The following ARID4B variants were observed in gnomAD, a reference collection of about 807,000 sequenced individuals.
ARID4B encodes the protein AT-rich interactive domain-containing protein 4B.
A neutral mutation model predicts 147.5 loss-of-function variants in ARID4B; 26 were observed. The ratio of observed to expected loss-of-function variants is 0.18; its 90% CI spans 0.13 to 0.24. The LOEUF is 0.24. ARID4B is among the 10% of genes least tolerant of loss of function. ARID4B has a pLI of 1.00. For missense variants in ARID4B, 1,179 were observed against 1,511.5 expected (o/e 0.78, Z 3.65); for synonymous variants, 512 against 507.9 (o/e 1.01, Z -0.11).
chr1:235,308,623 C>T (rs1020521568), intron 2 of ARID4B, among the ~76,000 whole-genome samples: 5 of 152,124 alleles, frequency 3.3e-5, no homozygotes, highest in South Asian at 4.1e-4. Flanking sequence ...TGCAGGTGCG[C>T]GCTGCCACGC....
At chr1:235,212,912 T>TAC (rs1404091513) in intron 17 of ARID4B, among the ~76,000 whole-genome samples, 1 of 152,166 alleles carries the variant, frequency 6.6e-6, no homozygotes, top group Middle Eastern at 3.2e-3. Flanking sequence ...AGACACTAGG[T>TAC]ACACCATGAA....
rs1335202043 is a variant in ARID4B at position 235,258,096 on chromosome 1, C to A, written c.118-871G>T. On this transcript the variant is annotated intron_variant, in intron 3 of 23. Coordinates refer to ENST00000264183, the MANE Select transcript of ARID4B (RefSeq NM_016374.6). ...CCTGTAATCCCAGCACTTTGGAAGG[C>A]CGAAGCAGGTGGATCACCTGAGATC... Among the ~76,000 whole-genome samples, 3 of 152,052 alleles carry A rather than the reference C, an allele frequency of 2.0e-5. No individual in the cohort carries two copies. The East Asian group carries it at 5.8e-4, about 29-fold the overall frequency.
At chr1:235,209,288 T>G (rs1231340448) in intron 17 of ARID4B, among the ~76,000 whole-genome samples, 1 of 152,130 alleles carries the variant, frequency 6.6e-6, no homozygotes, top group Non-Finnish European at 1.5e-5. Context: ...CTGGTCAACA[T>G]GGTGAAACCC....
chr1:235,327,177 C>A (rs894920298), intron 1 of ARID4B: 2 of 481,420 alleles, frequency 4.2e-6, no homozygotes. Context: ...GGCAGCTTCC[C>A]GTCCCCATTG....
chr1:235,268,407 T>C (rs1670756473), intron 2 of ARID4B, among the ~76,000 whole-genome samples: 1 of 151,896 alleles, frequency 6.6e-6, no homozygotes, highest in Admixed American at 6.6e-5. Context: ...AAACAAGTAC[T>C]TCTAGGTGTG....
intron 6 of ARID4B, among the ~76,000 whole-genome samples, chr1:235,249,212 A>G (rs1267949674): frequency 6.6e-6 from 1 of 152,084 alleles, no homozygotes; most frequent in African/African-American, 2.4e-5. Context: ...GCACGCCTGT[A>G]GTCCCAGATA....
In ARID4B at chr1:235,198,826, G is replaced by A. The variant is rs762203829; in HGVS notation, c.1842-2711C>T. Among the ~76,000 whole-genome samples the A allele has an allele frequency of 7.3e-4, 111 of 152,326 alleles. 1 individual carries two copies. The highest frequency in any genetic ancestry group is 5.3e-4 in the Non-Finnish European group (36 of 68,034). ...TTTTAAAATTCTCATGGGGCCGGGC[G>A]CAGTGGCTAACGCCTGTAATCCCAG... On this transcript the variant is annotated intron_variant, in intron 17 of 23. Transcript: ENST00000264183.
In ARID4B at chr1:235,176,437, C is replaced by CAAAAAAAAAAAAAAAAAA. The variant is rs34808765; in HGVS notation, c.3449-1056_3449-1039dup. Reference sequence around the variant, plus strand: ...CTGATTTTTCACTTAACAACATCACCAAAAAAAAAAAAAAAAAAAAAAAAA... The same window carrying CAAAAAAAAAAAAAAAAAA: ...CTGATTTTTCACTTAACAACATCACCAAAAAAAAAAAAAAAAAAAAAAAAAAAAAAAAAAAAAAAAAAA... On this transcript the variant is annotated intron_variant, in intron 21 of 23. Transcript: ENST00000264183. Among the ~76,000 whole-genome samples the CAAAAAAAAAAAAAAAAAA allele has an allele frequency of 6.2e-4, 14 of 22,534 alleles. 3 individuals carry two copies. The highest frequency in any genetic ancestry group is 1.4e-3 in the African/African-American group (14 of 10,074). The allele number at this position is 22,534 out of a possible 152,430, so 14.8% of individuals were successfully genotyped here.
intron 2 of ARID4B, among the ~76,000 whole-genome samples, chr1:235,320,470 T>C (rs1408116145): frequency 6.6e-6 from 1 of 152,196 alleles, no homozygotes; most frequent in Non-Finnish European, 1.5e-5. Context: ...CAGGACTAGC[T>C]TGACAGCCTT....
At chr1:235,244,472 T>C (rs889139870) in intron 7 of ARID4B, among the ~76,000 whole-genome samples, 3 of 152,050 alleles carry the variant, frequency 2.0e-5, no homozygotes, top group African/African-American at 7.2e-5. Context: ...AAAGAATCAA[T>C]AACTTGCTTT....
At chr1:235,316,165 A>G (rs749443863) in intron 2 of ARID4B, among the ~76,000 whole-genome samples, 6 of 152,314 alleles carry the variant, frequency 3.9e-5, no homozygotes, top group Non-Finnish European at 7.3e-5. Context: ...AATTCTTCTT[A>G]GGAATTCAAC....
Position 235,167,317 on chromosome 1 carries a change from AAC to A in ARID4B, c.*1206_*1207del, listed in dbSNP as rs1337650594. The A allele has an allele frequency of 4.5e-6, 1 of 220,098 alleles. No individual in the cohort carries two copies. The highest frequency in any genetic ancestry group is 9.1e-6 in the Non-Finnish European group (1 of 109,622). The allele number at this position is 220,098 out of a possible 1,614,324, so 13.6% of individuals were successfully genotyped here. The stretch of plus-strand genomic sequence containing the variant: ...TCTGTACAATAAAGTACTGTGTATT[AAC>A]AGTGCCAGATATTAAATAGCTTGAA... On this transcript the variant is annotated 3_prime_UTR_variant, in exon 24 of 24. Coordinates refer to ENST00000264183, the MANE Select transcript of ARID4B (RefSeq NM_016374.6).
chr1:235,312,156 C>T (rs947926250), intron 2 of ARID4B, among the ~76,000 whole-genome samples: 4 of 151,892 alleles, frequency 2.6e-5, no homozygotes, highest in Non-Finnish European at 5.9e-5. Flanking sequence ...CGTGGTGGCG[C>T]GCACCTGTAG....
Position 235,315,813 on chromosome 1 carries a change from C to T in ARID4B, c.6+11101G>A, listed in dbSNP as rs981768236. On this transcript the variant is annotated intron_variant, in intron 2 of 23. Transcript: ENST00000264183. ...GATACTATTCTTGCCTTAGATAACC[C>T]GATTAGAGTAAATAATTGAATATGC... Among the ~76,000 whole-genome samples the T allele has an allele frequency of 3.3e-5, 5 of 152,048 alleles. 1 individual carries two copies. The highest frequency in any genetic ancestry group is 1.2e-4 in the African/African-American group (5 of 41,394).
intron 17 of ARID4B, among the ~76,000 whole-genome samples, chr1:235,208,882 T>G (rs747133600): frequency 2.8e-4 from 42 of 152,204 alleles, no homozygotes; most frequent in Non-Finnish European, 5.7e-4. Context: ...TAGAAGAGTT[T>G]AAAAAATAAT....
At chr1:235,320,087 A>G (rs182713087) in intron 2 of ARID4B, among the ~76,000 whole-genome samples, 9 of 151,804 alleles carry the variant, frequency 5.9e-5, no homozygotes, top group African/African-American at 2.2e-4. Flanking sequence ...AGATCGTGCC[A>G]TTGCACTCCA....
At chr1:235,302,675 C>A (rs1673266460) in intron 2 of ARID4B, among the ~76,000 whole-genome samples, 1 of 152,126 alleles carries the variant, frequency 6.6e-6, no homozygotes, top group Non-Finnish European at 1.5e-5. Context: ...GAACACCTGC[C>A]CACTGCTTCT....
chr1:235,320,536 A>T (rs535702769), intron 2 of ARID4B, among the ~76,000 whole-genome samples: 1 of 152,250 alleles, frequency 6.6e-6, no homozygotes, highest in East Asian at 1.9e-4. Flanking sequence ...CGAACCCATG[A>T]TGTGTTCACT....
Position 235,257,594 on chromosome 1 carries a change from G to GAA in ARID4B, c.118-370_118-369insTT, listed in dbSNP as rs1380841228. ...ACCTCAGGGTTCAAGTGATTCTCCT[G>GAA]CCTCAGTCTTTCAAGTAGTTAGGAT... On this transcript the variant is annotated intron_variant, in intron 3 of 23. Coordinates refer to ENST00000264183, the MANE Select transcript of ARID4B (RefSeq NM_016374.6). 7.2e-5 allele frequency among the ~76,000 whole-genome samples: 11 copies of GAA among 151,822 alleles called. No homozygotes were observed. In the East Asian group the frequency reaches 2.1e-3, roughly 29 times the overall value.
Sources: gnomAD v4.1 joint callset for allele counts (sites outside exome capture counted in the v4.1 genomes callset) on GRCh38, gnomAD v4.1.1 for gene constraint, MANE v1.5 for transcripts, NCBI Gene and HGNC (gene_info 2026-07-23, HGNC 2026-07-21) for gene names.